Variants in CDH4 observed in about 807,000 individuals in gnomAD.
CDH4 encodes the protein cadherin 4, also known as cadherin-4.
A neutral mutation model predicts 86.0 loss-of-function variants in CDH4; 33 were observed. The observed-to-expected ratio is 0.38, with a 90% CI of 0.29 to 0.51. The LOEUF is 0.51. Ranked by LOEUF, CDH4 falls within the 20% of genes least tolerant of loss-of-function variation. The pLI is 0.86. For synonymous variants in CDH4, 555 were observed against 549.4 expected, an observed-to-expected ratio of 1.01 and a Z score of -0.14; for missense variants, 1,114 against 1,307.4, an observed-to-expected ratio of 0.85 and a Z score of 2.28.
intron 7 of CDH4, among the ~76,000 whole-genome samples, chr20:61,892,593 C>T (rs1984871364): frequency 6.6e-6 from 1 of 152,088 alleles, no homozygotes; most frequent in Non-Finnish European, 1.5e-5. Flanking sequence ...GATGAGGCCA[C>T]AGAGGGGGTT....
At chr20:61,837,769 C>G (rs540789710) in intron 4 of CDH4, among the ~76,000 whole-genome samples, 11 of 149,122 alleles carry the variant, frequency 7.4e-5, no homozygotes, top group African/African-American at 2.5e-4. Context: ...GCACCCCCCC[C>G]GTGGGTCTGT....
At chr20:61,802,043 G>A (rs1436395650) in intron 4 of CDH4, among the ~76,000 whole-genome samples, 1 of 152,242 alleles carries the variant, frequency 6.6e-6, no homozygotes, top group Non-Finnish European at 1.5e-5. Flanking sequence ...GCAAGAGCGG[G>A]CCTCAATCAG....
At chr20:61,702,178 C>T (rs555865178) in intron 2 of CDH4, among the ~76,000 whole-genome samples, 13 of 152,348 alleles carry the variant, frequency 8.5e-5, no homozygotes, top group African/African-American at 2.4e-4. Flanking sequence ...CAATAAAACA[C>T]GGTCCTCTGC....
chr20:61,685,232 G>A (rs576949675), intron 2 of CDH4, among the ~76,000 whole-genome samples: 19 of 152,302 alleles, frequency 1.2e-4, no homozygotes, highest in African/African-American at 3.6e-4. Flanking sequence ...TCTCCCATGC[G>A]GTTTGGGTCT....
intron 2 of CDH4, among the ~76,000 whole-genome samples, chr20:61,385,346 C>G (rs2084944984): frequency 6.6e-6 from 1 of 152,140 alleles, no homozygotes; most frequent in African/African-American, 2.4e-5. Flanking sequence ...CACAACCAAC[C>G]CCTTCCCTTC....
chr20:61,893,792 G>A (rs139285396), intron 7 of CDH4, among the ~76,000 whole-genome samples: 1 of 12,538 alleles, frequency 8.0e-5, no homozygotes, highest in Non-Finnish European at 1.7e-4. Context: ...GGGTGGGTGA[G>A]TGGATGGATG....
chr20:61,718,964 C>T (rs778099646), intron 2 of CDH4: 1 of 471,234 alleles, frequency 2.1e-6, no homozygotes. Flanking sequence ...TCTCTCCTCG[C>T]CCTGCCCCCT....
intron 2 of CDH4, among the ~76,000 whole-genome samples, chr20:61,410,037 G>A (rs1004613206): frequency 1.4e-4 from 22 of 152,216 alleles, no homozygotes; most frequent in African/African-American, 3.6e-4. Flanking sequence ...AGTGCAGAGC[G>A]GGGATCTGAA....
chr20:61,477,188 G>A (rs552689861), intron 2 of CDH4, among the ~76,000 whole-genome samples: 170 of 152,314 alleles, frequency 1.1e-3, no homozygotes, highest in African/African-American at 3.8e-3. Flanking sequence ...GGGAAGCCAC[G>A]CAGTGTGCGT....
chr20:61,841,700 G>GT (rs897685487), intron 4 of CDH4, among the ~76,000 whole-genome samples: 1 of 151,982 alleles, frequency 6.6e-6, no homozygotes, highest in African/African-American at 2.4e-5. Flanking sequence ...GTGCATTGCG[G>GT]GGGGGAACAA....
chr20:61,783,117 T>C lies in CDH4; in HGVS notation c.576+9935T>C, dbSNP rs558925952. On this transcript the variant is annotated intron_variant, in intron 4 of 15. Transcript: ENST00000614565. ...AAGAATTTCTTTATATATGCGTCAA[T>C]GAAAACTGTTAGTCACCAGATTGTC... is the stretch of plus-strand genomic sequence containing the variant. 3.9e-5 allele frequency among the ~76,000 whole-genome samples: 6 copies of C among 152,316 alleles called. No individual in the cohort carries two copies. The East Asian group carries it at 7.7e-4, about 20-fold the overall frequency.
At chr20:61,905,482 C>T (rs963922189) in intron 8 of CDH4, among the ~76,000 whole-genome samples, 1 of 152,154 alleles carries the variant, frequency 6.6e-6, no homozygotes. Flanking sequence ...CAGAGACAGA[C>T]GCTACAGAGG....
At chr20:61,749,565 A>G (rs1424082424) in intron 3 of CDH4, among the ~76,000 whole-genome samples, 5 of 152,264 alleles carry the variant, frequency 3.3e-5, no homozygotes, top group Admixed American at 1.3e-4. Context: ...CTAGAAATCA[A>G]TAACAAAGAA....
Position 61,708,227 on chromosome 20 carries a change from G to C in CDH4, c.170-35336G>C, listed in dbSNP as rs1487838912. ...GTGCCTGGACCTGCACACACACACAGGGCTGAGTGTAGCGTGGCCAGCAGG... is the reference window on the plus strand; with the variant it reads ...GTGCCTGGACCTGCACACACACACACGGCTGAGTGTAGCGTGGCCAGCAGG... On this transcript the variant is annotated intron_variant, in intron 2 of 15. Transcript: ENST00000614565. This position sits in a 1 kb window ranked among gnomAD's most constrained non-coding sequence, Gnocchi z 4.5. Among the ~76,000 whole-genome samples the C allele has an allele frequency of 6.6e-6, 1 of 152,140 alleles. No individual in the cohort carries two copies. Among genetic ancestry groups the C allele is most frequent in the Non-Finnish European group, 1.5e-5 (1 of 68,000 alleles).
At chr20:61,494,550 G>GT (rs2085646477) in intron 2 of CDH4, among the ~76,000 whole-genome samples, 1 of 152,208 alleles carries the variant, frequency 6.6e-6, no homozygotes, top group African/African-American at 2.4e-5. Context: ...GAAGAGCGAT[G>GT]TTTAGCACCA....
At chr20:61,318,686 T>C (rs2084491430) in intron 2 of CDH4, among the ~76,000 whole-genome samples, 1 of 152,326 alleles carries the variant, frequency 6.6e-6, no homozygotes, top group East Asian at 1.9e-4. Flanking sequence ...GATGAGGAAA[T>C]TAGAAGCTCA....
At chr20:61,791,094 A>C (rs567822353) in intron 4 of CDH4, among the ~76,000 whole-genome samples, 1 of 152,266 alleles carries the variant, frequency 6.6e-6, no homozygotes, top group Non-Finnish European at 1.5e-5. Flanking sequence ...CTTTCAAGTA[A>C]ACGAAAAACC....
chr20:61,293,994 T>C (rs1284659060), intron 2 of CDH4, among the ~76,000 whole-genome samples: 1 of 152,110 alleles, frequency 6.6e-6, no homozygotes, highest in Non-Finnish European at 1.5e-5. Flanking sequence ...GGTCGTTTCC[T>C]TCTGTTTCAC....
intron 2 of CDH4, among the ~76,000 whole-genome samples, chr20:61,680,272 G>A (rs1056483652): frequency 6.6e-6 from 1 of 152,202 alleles, no homozygotes; most frequent in Non-Finnish European, 1.5e-5. Flanking sequence ...GAGGGACAGG[G>A]TGCCAGGCTG....
Sources: allele counts gnomAD v4.1 joint callset (sites outside exome capture counted in the v4.1 genomes callset), GRCh38; gene constraint gnomAD v4.1.1; non-coding constraint Gnocchi (gnomAD v3.1); transcripts MANE v1.5; gene names NCBI Gene and HGNC (gene_info 2026-07-23, HGNC 2026-07-21).